Variants in AP3S2 observed in about 807,000 individuals in gnomAD.
AP3S2 encodes adaptor related protein complex 3 subunit sigma 2, also known as AP-3 complex subunit sigma-2.
Under a neutral mutation model 23.4 loss-of-function variants are expected in AP3S2, and 22 were observed. That is an observed-to-expected ratio of 0.94 (90% CI 0.67 to 1.34). The LOEUF (loss-of-function observed/expected upper bound fraction) is 1.34, where lower values mean the gene tolerates loss of function less well. AP3S2 is among the 40% of genes most tolerant of loss of function. AP3S2 has a pLI of 0.00. For missense variants in AP3S2, 241 were observed against 236.9 expected, an observed-to-expected ratio of 1.02 and a Z score of -0.11; for synonymous variants, 86 against 87.1, an observed-to-expected ratio of 0.99 and a Z score of 0.07.
intron 4 of AP3S2, among the ~76,000 whole-genome samples, chr15:89,868,286 A>T (rs1369365868): frequency 2.2e-3 from 106 of 48,678 alleles, no homozygotes; most frequent in South Asian, 3.6e-3. Context: ...GGCCGCCCCT[A>T]CTGGGAAGTG....
At chr15:89,880,825 G>A (rs1896554586) in intron 3 of AP3S2, among the ~76,000 whole-genome samples, 1 of 152,182 alleles carries the variant, frequency 6.6e-6, no homozygotes, top group Non-Finnish European at 1.5e-5. Flanking sequence ...CATTGTTAAA[G>A]GTGTGATGAC....
chr15:89,877,238 A>G, intron 3 of AP3S2: 1 of 1,034,526 alleles, frequency 9.7e-7, no homozygotes, highest in South Asian at 1.2e-5. Context: ...ACCCACACAT[A>G]AAGAGGAACG....
intron 4 of AP3S2, among the ~76,000 whole-genome samples, chr15:89,869,131 C>T (rs1018824650): frequency 8.5e-5 from 13 of 152,060 alleles, no homozygotes; most frequent in Non-Finnish European, 1.8e-4. Flanking sequence ...AACAGAAAGG[C>T]GGGAAAGGTG....
chr15:89,859,986 G>C (rs970779977), intron 4 of AP3S2, among the ~76,000 whole-genome samples: 1 of 151,840 alleles, frequency 6.6e-6, no homozygotes, highest in Non-Finnish European at 1.5e-5. Flanking sequence ...GGTTGGTCTC[G>C]ATCTCCTGAC....
At position 89,835,055 on chromosome 15, in the gene AP3S2, C is replaced by A; in HGVS notation, c.*460G>T. On this transcript the variant is annotated 3_prime_UTR_variant, in exon 6 of 6. Coordinates refer to ENST00000336418, the MANE Select transcript of AP3S2 (RefSeq NM_005829.5). ...GCCAGCCCTTTTCTACCTATGACAC[C>A]TCACCAGCAAGTAAAGGGCACAGGA... The A allele has an allele frequency of 5.8e-6, 1 of 172,116 alleles. No homozygotes were observed. The highest frequency in any genetic ancestry group is 1.2e-5 in the Non-Finnish European group (1 of 81,900). 10.7% of individuals were successfully genotyped at this position (172,116 alleles called of 1,614,324 possible).
intron 4 of AP3S2, among the ~76,000 whole-genome samples, chr15:89,864,573 T>C (rs1896075103): frequency 2.0e-5 from 3 of 152,032 alleles, no homozygotes; most frequent in Non-Finnish European, 2.9e-5. Context: ...CACATTTTTT[T>C]TTTTTGAGAC....
At chr15:89,868,220 G>A (rs1225414057) in intron 4 of AP3S2, among the ~76,000 whole-genome samples, 7 of 55,144 alleles carry the variant, frequency 1.3e-4, no homozygotes, top group African/African-American at 4.2e-4. Flanking sequence ...AGGTGGGGGG[G>A]TCAGCCCTCC....
intron 3 of AP3S2, among the ~76,000 whole-genome samples, chr15:89,874,147 G>GT (rs1168213150): frequency 1.4e-5 from 2 of 148,000 alleles, no homozygotes; most frequent in Non-Finnish European, 3.0e-5. Flanking sequence ...TTTTTAAACT[G>GT]TTTTCCTTTC....
intron 3 of AP3S2, among the ~76,000 whole-genome samples, chr15:89,875,486 CAA>C (rs1216938203): frequency 1.3e-5 from 2 of 152,122 alleles, no homozygotes; most frequent in African/African-American, 4.8e-5. Flanking sequence ...TGCTGATGGG[CAA>C]AGAGGCTGAA....
chr15:89,866,998 C>G (rs1180789588), intron 4 of AP3S2, among the ~76,000 whole-genome samples: 1 of 130,282 alleles, frequency 7.7e-6, no homozygotes, highest in East Asian at 2.4e-4. Flanking sequence ...CTCTCCCTCT[C>G]CCTCTCCCCC....
At chr15:89,860,690 T>G (rs1895992040) in intron 4 of AP3S2, among the ~76,000 whole-genome samples, 1 of 152,114 alleles carries the variant, frequency 6.6e-6, no homozygotes, top group African/African-American at 2.4e-5. Context: ...GGCCTTTCTG[T>G]ATGTAAGATA....
At chr15:89,870,314 T>C (rs1482711832) in intron 4 of AP3S2, among the ~76,000 whole-genome samples, 1 of 152,140 alleles carries the variant, frequency 6.6e-6, no homozygotes, top group Non-Finnish European at 1.5e-5. Context: ...AACCCTTTCA[T>C]ATGAAAGGGA....
At chr15:89,860,974 G>C (rs1895997899) in intron 4 of AP3S2, among the ~76,000 whole-genome samples, 1 of 152,184 alleles carries the variant, frequency 6.6e-6, no homozygotes, top group African/African-American at 2.4e-5. Flanking sequence ...AACACAAACT[G>C]TCTGTCCCTC....
In AP3S2 at chr15:89,833,434, C is replaced by T. The variant is rs1020253127; in HGVS notation, c.*2081G>A. The T allele has an allele frequency of 5.9e-5, 9 of 152,170 alleles. No homozygotes were observed. Among genetic ancestry groups the T allele is most frequent in the Admixed American group, 5.9e-4 (9 of 15,262 alleles). 9.4% of individuals were successfully genotyped at this position (152,170 alleles called of 1,614,324 possible). On this transcript the variant is annotated 3_prime_UTR_variant, in exon 6 of 6. Coordinates refer to ENST00000336418, the MANE Select transcript of AP3S2 (RefSeq NM_005829.5). The stretch of plus-strand genomic sequence containing the variant: ...TCAAGTGAACAGTCTCAGATCTCAG[C>T]CCCGTGTAATCTAAGGGAAGGTTAC...
chr15:89,893,692 T>G, intron 1 of AP3S2, 189 bp downstream of exon 1: 2 of 582,356 alleles, frequency 3.4e-6, no homozygotes, highest in South Asian at 2.1e-5. Flanking sequence ...AGCGGGGCAG[T>G]AGGGCGGGAG....
At chr15:89,871,130 T>G (rs550594116) in intron 4 of AP3S2, among the ~76,000 whole-genome samples, 13 of 152,364 alleles carry the variant, frequency 8.5e-5, no homozygotes, top group African/African-American at 2.4e-4. Context: ...GTCACTGGCC[T>G]ATGACTAGGA....
At chr15:89,847,815 G>A (rs2141846515) in intron 4 of AP3S2, among the ~76,000 whole-genome samples, 1 of 152,208 alleles carries the variant, frequency 6.6e-6, no homozygotes, top group East Asian at 1.9e-4. Context: ...TTCTATAAAG[G>A]TAATAAGTAA....
chr15:89,850,579 C>T (rs1347963063), intron 4 of AP3S2: 3 of 152,988 alleles, frequency 2.0e-5, no homozygotes, highest in African/African-American at 7.2e-5. Flanking sequence ...CATATTCGTA[C>T]TGTATTTAGA....
chr15:89,889,376 T>C, intron 1 of AP3S2: 1 of 512,562 alleles, frequency 2.0e-6, no homozygotes, highest in Non-Finnish European at 3.5e-6. Context: ...TCTAAGTCAC[T>C]AACCATTACT....
Sources: gnomAD v4.1 joint callset for allele counts (sites outside exome capture counted in the v4.1 genomes callset) on GRCh38, gnomAD v4.1.1 for gene constraint, MANE v1.5 for transcripts, NCBI Gene and HGNC (gene_info 2026-07-23, HGNC 2026-07-21) for gene names.